Variants in ACBD6 observed in about 807,000 individuals in gnomAD.
The protein encoded by ACBD6 is acyl-CoA binding domain containing 6, also known as acyl-CoA-binding domain-containing protein 6.
Under a neutral mutation model 37.2 loss-of-function variants are expected in ACBD6, and 28 were observed. That is an observed-to-expected ratio of 0.75 (90% CI 0.56 to 1.03). The LOEUF (loss-of-function observed/expected upper bound fraction) is 1.03. Among genes scored for constraint, ACBD6 ranks in the 50% least tolerant of loss-of-function variants. The pLI is 0.00. For synonymous variants in ACBD6, 113 were observed against 126.8 expected (o/e 0.89, Z 0.73); for missense variants, 340 against 337.4 (o/e 1.01, Z -0.06).
At chr1:180,360,390 T>G (rs1356190468) in intron 6 of ACBD6, among the ~76,000 whole-genome samples, 1 of 152,204 alleles carries the variant, frequency 6.6e-6, no homozygotes, top group Non-Finnish European at 1.5e-5. Context: ...TATGAACCAC[T>G]AATCCAGAGG....
intron 7 of ACBD6, among the ~76,000 whole-genome samples, chr1:180,306,390 T>C (rs1189264062): frequency 6.6e-6 from 1 of 152,126 alleles, no homozygotes; most frequent in Non-Finnish European, 1.5e-5. Context: ...TCCATGTAAC[T>C]AGCACATATC....
intron 3 of ACBD6, among the ~76,000 whole-genome samples, chr1:180,460,415 T>A (rs1000883923): frequency 6.6e-6 from 1 of 151,990 alleles, no homozygotes; most frequent in Non-Finnish European, 1.5e-5. Flanking sequence ...GGCTGCTCTA[T>A]GAAAGTGAGG....
chr1:180,332,160 A>G (rs754480055), intron 6 of ACBD6, among the ~76,000 whole-genome samples: 8 of 152,096 alleles, frequency 5.3e-5, no homozygotes, highest in Non-Finnish European at 1.2e-4. Context: ...CCCTGCTAAC[A>G]ATACATTTCT....
exon 10 of ACBD6, chr1:180,274,769 G>GGA: frequency 1.5e-6 from 1 of 657,964 alleles, no homozygotes; most frequent in Non-Finnish European, 2.5e-6. Context: ...GGAAGCAGTG[G>GGA]GAGAGCAGAC....
In ACBD6 at chr1:180,318,163, G is replaced by GCCC. The variant is rs1553291888; in HGVS notation, c.664-3444_664-3442dup. ...GGTGACAGAGTAAGATTCCATCTCCGCCCCCCCCCCCCAAAAAAAAAAGAA... is the reference window on the plus strand; with the variant it reads ...GGTGACAGAGTAAGATTCCATCTCCGCCCCCCCCCCCCCCCAAAAAAAAAAGAA... On this transcript the variant is annotated intron_variant, in intron 6 of 7. Transcript: ENST00000367595. Among the ~76,000 whole-genome samples the GCCC allele has an allele frequency of 4.2e-3, 131 of 31,376 alleles. 12 individuals carry two copies. Among genetic ancestry groups the GCCC allele is most frequent in the South Asian group, 4.8e-3 (4 of 826 alleles). 20.6% of individuals were successfully genotyped at this position (31,376 alleles called of 152,430 possible). A position where few individuals can be genotyped will look rare whatever the true frequency, so the allele number is the denominator to read the frequency against.
intron 6 of ACBD6, among the ~76,000 whole-genome samples, chr1:180,333,052 G>T (rs190985321): frequency 2.6e-5 from 4 of 152,142 alleles, no homozygotes; most frequent in African/African-American, 7.2e-5. Flanking sequence ...GGACCTCAAA[G>T]AACTTTTGTT....
Position 180,308,156 on chromosome 1 carries a change from A to G in ACBD6, c.694+6536T>C, listed in dbSNP as rs550394894. 8.5e-5 allele frequency among the ~76,000 whole-genome samples: 13 copies of G among 152,230 alleles called. No individual in the cohort carries two copies. In the East Asian group the frequency reaches 1.2e-3, roughly 14 times the overall value. ...AAATTTCTGTATTTTTTTAATTTACATAAGTTCTATTTGGTTCTCTTCCAA... is the reference window on the plus strand; with the variant it reads ...AAATTTCTGTATTTTTTTAATTTACGTAAGTTCTATTTGGTTCTCTTCCAA... On this transcript the variant is annotated intron_variant, in intron 7 of 7. Transcript: ENST00000367595.
chr1:180,460,460 T>C (rs1169441589), intron 3 of ACBD6, among the ~76,000 whole-genome samples: 2 of 152,118 alleles, frequency 1.3e-5, no homozygotes, highest in African/African-American at 4.8e-5. Flanking sequence ...CCTGATCCCG[T>C]TCCTCCTGGC....
intron 3 of ACBD6, among the ~76,000 whole-genome samples, chr1:180,477,471 T>C (rs571847559): frequency 2.0e-5 from 3 of 152,338 alleles, no homozygotes; most frequent in African/African-American, 7.2e-5. Flanking sequence ...TTTTCTGTAC[T>C]GAAAATTACC....
At chr1:180,346,366 G>T (rs1326799595) in intron 6 of ACBD6, among the ~76,000 whole-genome samples, 1 of 152,172 alleles carries the variant, frequency 6.6e-6, no homozygotes, top group East Asian at 1.9e-4. Flanking sequence ...GCTTGTGGTA[G>T]GCAGAAATCC....
chr1:180,422,580 G>A (rs761510508), intron 4 of ACBD6, among the ~76,000 whole-genome samples: 3 of 152,114 alleles, frequency 2.0e-5, no homozygotes, highest in African/African-American at 7.2e-5. Flanking sequence ...AACCACAGCT[G>A]CAGACCTCAA....
downstream of ACBD6, among the ~76,000 whole-genome samples, chr1:180,286,056 A>T (rs1649488730): frequency 6.6e-6 from 1 of 152,170 alleles, no homozygotes; most frequent in African/African-American, 2.4e-5. Flanking sequence ...TTAATTCTAA[A>T]TATACAAAAT....
intron 6 of ACBD6, among the ~76,000 whole-genome samples, chr1:180,384,737 A>G (rs1474293103): frequency 6.6e-6 from 1 of 152,236 alleles, no homozygotes; most frequent in Non-Finnish European, 1.5e-5. Context: ...TACCAAAGAT[A>G]TGGAATCAAC....
intron 5 of ACBD6, among the ~76,000 whole-genome samples, chr1:180,408,320 C>A (rs1647712523): frequency 6.6e-6 from 1 of 152,082 alleles, no homozygotes; most frequent in Admixed American, 6.5e-5. Flanking sequence ...TCATATACAC[C>A]ATGGAATACT....
chr1:180,332,189 G>A (rs181570556), intron 6 of ACBD6, among the ~76,000 whole-genome samples: 1 of 152,182 alleles, frequency 6.6e-6, no homozygotes, highest in Non-Finnish European at 1.5e-5. Flanking sequence ...AAGCCACCTA[G>A]TTTGTGGCAC....
At chr1:180,387,226 T>G (rs987110342) in intron 6 of ACBD6, among the ~76,000 whole-genome samples, 2 of 152,176 alleles carry the variant, frequency 1.3e-5, no homozygotes, top group Non-Finnish European at 2.9e-5. Context: ...TTAATTTTGG[T>G]CAGTATAATG....
chr1:180,303,710 T>C (rs1233215807), intron 7 of ACBD6, among the ~76,000 whole-genome samples: 9 of 150,880 alleles, frequency 6.0e-5, no homozygotes, highest in Non-Finnish European at 1.3e-4. Flanking sequence ...CTTCTGAAAC[T>C]ATTCCAATCA....
At chr1:180,270,400 T>C (rs1043744) in exon 14 of ACBD6, 63,612 of 152,178 alleles carry the variant, frequency 0.42, 15,291 homozygotes, top group South Asian at 0.61. Flanking sequence ...CTGCTGACTT[T>C]ATTCCGTGTG....
chr1:180,470,100 T>C (rs773802104), intron 3 of ACBD6, among the ~76,000 whole-genome samples: 1 of 152,198 alleles, frequency 6.6e-6, no homozygotes, highest in Non-Finnish European at 1.5e-5. Context: ...TTAACATTGT[T>C]GGTTCATTTT....
Sources: allele counts gnomAD v4.1 joint callset (sites outside exome capture counted in the v4.1 genomes callset), GRCh38; gene constraint gnomAD v4.1.1; transcripts MANE v1.5; gene names NCBI Gene and HGNC (gene_info 2026-07-23, HGNC 2026-07-21).